The following MGST1 variants were observed in gnomAD, a reference collection of about 807,000 sequenced individuals.
MGST1 encodes microsomal glutathione S-transferase 1, also known as glutathione S-transferase 12.
A neutral mutation model predicts 8.9 loss-of-function variants in MGST1; 5 were observed. That is an observed-to-expected ratio of 0.56 (90% confidence interval 0.29 to 1.19). The LOEUF (loss-of-function observed/expected upper bound fraction) is 1.19, where lower values mean the gene tolerates loss of function less well. Ranked by LOEUF, MGST1 falls within the 50% of genes most tolerant of loss-of-function variation. The pLI is 0.08. For missense variants in MGST1, 182 were observed against 187.4 expected (o/e 0.97, Z 0.17); for synonymous variants, 54 against 67.8 (o/e 0.80, Z 1.00).
chr12:16,511,066 G>A (rs1226071242), intron 4 of MGST1, among the ~76,000 whole-genome samples: 1 of 152,148 alleles, frequency 6.6e-6, no homozygotes, highest in East Asian at 1.9e-4. Context: ...TGTTTGTATA[G>A]CATCTCATGG....
At chr12:16,489,191 A>G (rs748115645) in intron 4 of MGST1, among the ~76,000 whole-genome samples, 5 of 152,208 alleles carry the variant, frequency 3.3e-5, no homozygotes, top group Non-Finnish European at 5.9e-5. Context: ...TGAATAATGA[A>G]TGATGAGGAA....
chr12:16,555,063 T>C lies in MGST1; in HGVS notation n.483-34465T>C, dbSNP rs1351752422. 1.3e-5 allele frequency among the ~76,000 whole-genome samples: 2 copies of C among 152,254 alleles called. No individual in the cohort carries two copies. The highest frequency in any genetic ancestry group is 4.8e-5 in the African/African-American group (2 of 41,468). ...TTCCTCATCTGTCAAATGAAGCTAA[T>C]AACTACCTATTTATGGGATATTTTG... is the stretch of plus-strand genomic sequence containing the variant. On this transcript the variant is annotated intron_variant and non_coding_transcript_variant, in intron 4 of 4. Coordinates refer to the MGST1 transcript ENST00000538857. The surrounding 1 kb of genome is among the most constrained non-coding windows in gnomAD (Gnocchi z 5.5).
chr12:16,571,935 G>C (rs1415135928), intron 4 of MGST1, among the ~76,000 whole-genome samples: 1 of 151,870 alleles, frequency 6.6e-6, no homozygotes, highest in East Asian at 1.9e-4. Flanking sequence ...TTTTAAATTT[G>C]TGAATCCTTA....
chr12:16,563,953 T>C (rs1325844692), intron 4 of MGST1, among the ~76,000 whole-genome samples: 4 of 152,192 alleles, frequency 2.6e-5, no homozygotes, highest in African/African-American at 9.6e-5. Flanking sequence ...ATCATTTATG[T>C]TCATAGTAGG....
At chr12:16,478,635 T>A (rs1164381615) in intron 4 of MGST1, among the ~76,000 whole-genome samples, 1 of 152,042 alleles carries the variant, frequency 6.6e-6, no homozygotes, top group Non-Finnish European at 1.5e-5. Flanking sequence ...AATTTTTTTT[T>A]AATTTCAGAA....
At chr12:16,379,592 A>T (rs1385524053), downstream of MGST1, among the ~76,000 whole-genome samples, 1 of 152,180 alleles carries the variant, frequency 6.6e-6, no homozygotes, top group East Asian at 1.9e-4. Context: ...CACCAAGGAT[A>T]CTGGTCTAAA....
intron 1 of MGST1, 124 bp from the exon 2 acceptor site, chr12:16,354,107 A>C (rs2136935546): frequency 1.4e-6 from 1 of 727,784 alleles, no homozygotes; most frequent in South Asian, 2.5e-5. Context: ...TTTCTTCTGC[A>C]AATAGTCCAA....
At chr12:16,415,869 A>G (rs1311359898) in intron 1 of MGST1, among the ~76,000 whole-genome samples, 1 of 152,146 alleles carries the variant, frequency 6.6e-6, no homozygotes, top group Non-Finnish European at 1.5e-5. Flanking sequence ...TGGCTTGCTT[A>G]CTTATCTTCA....
intron 1 of MGST1, among the ~76,000 whole-genome samples, chr12:16,430,361 A>T (rs910039588): frequency 6.6e-6 from 1 of 152,200 alleles, no homozygotes; most frequent in Non-Finnish European, 1.5e-5. Flanking sequence ...ATTTAGAAAG[A>T]TGAATCTTTT....
At chr12:16,526,454 T>G (rs16912001) in intron 4 of MGST1, among the ~76,000 whole-genome samples, 7,863 of 152,044 alleles carry the variant, frequency 0.052, 694 homozygotes, top group African/African-American at 0.18. Context: ...TTTGTGATTA[T>G]CTTATTATCT....
chr12:16,395,888 T>C (rs1447961724), intron 1 of MGST1, among the ~76,000 whole-genome samples: 1 of 151,470 alleles, frequency 6.6e-6, no homozygotes, highest in Non-Finnish European at 1.5e-5. Context: ...ATTTTTGGAC[T>C]TGAGAATTGT....
rs572089307 is a variant in MGST1 at position 16,503,331 on chromosome 12, A to C, written n.483-86197A>C. Reference sequence around the variant, plus strand: ...TTTCCCTCATTCTTAGCTTGGCTTCACTCATAAATGTTATTTTTTCCTTTC... The same window carrying C: ...TTTCCCTCATTCTTAGCTTGGCTTCCCTCATAAATGTTATTTTTTCCTTTC... On this transcript the variant is annotated intron_variant and non_coding_transcript_variant, in intron 4 of 4. Coordinates refer to the MGST1 transcript ENST00000538857. This position sits in a 1 kb window ranked among gnomAD's most constrained non-coding sequence, Gnocchi z 4.8. 1.2e-3 allele frequency among the ~76,000 whole-genome samples: 189 copies of C among 152,150 alleles called. No individual in the cohort carries two copies. The highest frequency in any genetic ancestry group is 2.1e-3 in the Non-Finnish European group (143 of 68,010).
intron 3 of MGST1, chr12:16,376,032 T>A: frequency 1.1e-6 from 1 of 886,500 alleles, no homozygotes; most frequent in Non-Finnish European, 1.6e-6. Context: ...ACAGATTTTA[T>A]ACATATATAT....
intron 3 of MGST1, among the ~76,000 whole-genome samples, chr12:16,372,411 A>G (rs1000337448): frequency 6.6e-6 from 1 of 152,132 alleles, no homozygotes; most frequent in Non-Finnish European, 1.5e-5. Flanking sequence ...CAAATGGCCA[A>G]CTAGTATATG....
At chr12:16,564,222 A>G (rs1591782624) in intron 4 of MGST1, among the ~76,000 whole-genome samples, 1 of 152,198 alleles carries the variant, frequency 6.6e-6, no homozygotes, top group Non-Finnish European at 1.5e-5. Flanking sequence ...AACACGGCCT[A>G]CCTGTATGCT....
downstream of MGST1, among the ~76,000 whole-genome samples, chr12:16,440,828 T>A (rs1382075322): frequency 6.6e-6 from 1 of 151,866 alleles, no homozygotes; most frequent in Non-Finnish European, 1.5e-5. Context: ...CCCATTTATG[T>A]ACTCAAAAGC....
chr12:16,399,252 A>G, intron 1 of MGST1: 1 of 1,591,646 alleles, frequency 6.3e-7, no homozygotes, highest in Non-Finnish European at 8.6e-7. Flanking sequence ...GGAAGAAAGG[A>G]GCTCAGGGCC....
At chr12:16,566,037 T>C (rs1473496436) in intron 4 of MGST1, among the ~76,000 whole-genome samples, 2 of 86,166 alleles carry the variant, frequency 2.3e-5, no homozygotes, top group Non-Finnish European at 2.3e-5. Context: ...TATATATATA[T>C]ATAAAATGGA....
chr12:16,583,197 G>T (rs997859972), intron 4 of MGST1, among the ~76,000 whole-genome samples: 1 of 152,136 alleles, frequency 6.6e-6, no homozygotes, highest in Admixed American at 6.5e-5. Flanking sequence ...TTAGCAATTG[G>T]ATGTCAGTAA....
Sources: allele counts gnomAD v4.1 joint callset (sites outside exome capture counted in the v4.1 genomes callset), GRCh38; gene constraint gnomAD v4.1.1; non-coding constraint Gnocchi (gnomAD v3.1); transcripts MANE v1.5; gene names NCBI Gene and HGNC (gene_info 2026-07-23, HGNC 2026-07-21).